The following UBN1 variants were observed in gnomAD, a reference collection of about 807,000 sequenced individuals.
The protein encoded by UBN1 is ubinuclein 1, also known as ubinuclein-1.
In UBN1, 17 loss-of-function variants were observed where a neutral mutation model predicts 108.5. The ratio of observed to expected loss-of-function variants is 0.16; its 90% CI spans 0.11 to 0.24. UBN1 has a LOEUF of 0.24. UBN1 is among the 10% of genes least tolerant of loss of function. UBN1 has a pLI of 1.00. For synonymous variants in UBN1, 726 were observed against 564.2 expected, an observed-to-expected ratio of 1.29 and a Z score of -4.07; for missense variants, 1,595 against 1,394.4, an observed-to-expected ratio of 1.14 and a Z score of -2.29.
At chr16:4,862,999 G>A (rs2087142135) in intron 7 of UBN1, among the ~76,000 whole-genome samples, 1 of 152,204 alleles carries the variant, frequency 6.6e-6, no homozygotes, top group Non-Finnish European at 1.5e-5. Flanking sequence ...CAAGTGTGAA[G>A]TTGATATTCG....
At chr16:4,858,972 C>T in intron 4 of UBN1, 53 bp from the exon 5 acceptor site, 4 of 1,599,294 alleles carry the variant, frequency 2.5e-6, no homozygotes, top group Non-Finnish European at 3.4e-6. Context: ...CACTTTGCAC[C>T]TTCGGACTGC....
chr16:4,872,395 C>T (rs1596519242), intron 12 of UBN1: 2 of 969,554 alleles, frequency 2.1e-6, no homozygotes, highest in Non-Finnish European at 1.2e-6. Context: ...CAGTGTGTCC[C>T]ATTGAGATCC....
chr16:4,880,387 G>T lies in UBN1; in HGVS notation c.*255G>T. On this transcript the variant is annotated 3_prime_UTR_variant, in exon 18 of 18. Coordinates refer to ENST00000262376, the MANE Select transcript of UBN1 (RefSeq NM_001079514.3). ...TCGCTAGACGGTTGTTAGAGGGGCA[G>T]CTCTAGGCTGGGGCTTGCGCTGGGC... is the stretch of plus-strand genomic sequence containing the variant. The T allele has an allele frequency of 4.0e-6, 2 of 493,840 alleles. No individual in the cohort carries two copies. The highest frequency in any genetic ancestry group is 7.4e-6 in the Non-Finnish European group (2 of 269,902). The allele number at this position is 493,840 out of a possible 1,614,324, so 30.6% of individuals were successfully genotyped here.
Position 4,859,856 on chromosome 16 carries a change from A to G in UBN1, c.568-9A>G, listed in dbSNP as rs1490709398. On this transcript the variant is annotated splice_polypyrimidine_tract_variant and intron_variant, in intron 5 of 17. Coordinates refer to ENST00000262376, the MANE Select transcript of UBN1 (RefSeq NM_001079514.3). Reference sequence around the variant, plus strand: ...AGCCGTGTAACTGTGCCTTGTCTTTAATTCTCAGAAGCGGAAGTTGAAGGA... The same window carrying G: ...AGCCGTGTAACTGTGCCTTGTCTTTGATTCTCAGAAGCGGAAGTTGAAGGA... 6.2e-7 allele frequency: 1 copy of G among 1,613,780 alleles called. No homozygotes were observed. Among genetic ancestry groups the G allele is most frequent in the Non-Finnish European group, 8.5e-7 (1 of 1,179,922 alleles).
rs2087809156 is a variant in UBN1, at chr16:4,874,917, A to C, written c.2507A>C (p.Gln836Pro). The change falls in exon 15 of 18, where the codon CAG becomes CCG. Residue 836 changes from glutamine to proline, a missense_variant. Physicochemically the swap from Gln to Pro is moderately conservative, Grantham distance 76. Coordinates refer to ENST00000262376, the MANE Select transcript of UBN1 (RefSeq NM_001079514.3). ...CAAGGCCCAAAGGCTTCTCCCACAC[A>C]GTGTCATCGTTCCCTCCTGCAGTTA... ...KLQGPKASPTQCHRSLLQLVK... is the reference protein window; with the variant it reads ...KLQGPKASPTPCHRSLLQLVK... 4 of 1,614,032 alleles carry C rather than the reference A, an allele frequency of 2.5e-6. No individual in the cohort carries two copies. Among genetic ancestry groups the C allele is most frequent in the Non-Finnish European group, 3.4e-6 (4 of 1,180,038 alleles).
intron 5 of UBN1, among the ~76,000 whole-genome samples, 154 bp from the exon 6 acceptor site, chr16:4,859,711 T>C (rs963940732): frequency 1.3e-5 from 2 of 152,100 alleles, no homozygotes; most frequent in Non-Finnish European, 2.9e-5. Context: ...TGCTGTGGGT[T>C]TGTGGTCCAG....
chr16:4,875,568 A>G, intron 15 of UBN1, 134 bp downstream of exon 15: 1 of 1,310,472 alleles, frequency 7.6e-7, no homozygotes, highest in South Asian at 1.5e-5. Context: ...CAGACGTAGG[A>G]AGGGAGACTG....
At chr16:4,874,098 A>G in intron 14 of UBN1, 113 bp from the exon 15 acceptor site, 2 of 1,338,474 alleles carry the variant, frequency 1.5e-6, no homozygotes, top group Non-Finnish European at 2.0e-6. Context: ...TCTTGTAATT[A>G]TACAGGAAGG....
chr16:4,865,752 G>C (rs533229941), intron 7 of UBN1, among the ~76,000 whole-genome samples: 1 of 152,214 alleles, frequency 6.6e-6, no homozygotes, highest in African/African-American at 2.4e-5. Context: ...CTTGGGGTCA[G>C]ATGTTTGAGA....
chr16:4,848,987 G>A (rs1400667212), intron 1 of UBN1, among the ~76,000 whole-genome samples: 1 of 152,202 alleles, frequency 6.6e-6, no homozygotes, highest in Non-Finnish European at 1.5e-5. Flanking sequence ...TGTAGTCCCA[G>A]CTACTTGGGA....
chr16:4,865,036 C>G (rs1282645018), intron 7 of UBN1, among the ~76,000 whole-genome samples: 2 of 152,162 alleles, frequency 1.3e-5, no homozygotes, highest in South Asian at 2.1e-4. Context: ...TGTTGGAACT[C>G]TTATAAATCA....
chr16:4,869,694 C>T (rs923694370), intron 8 of UBN1, among the ~76,000 whole-genome samples: 7 of 152,194 alleles, frequency 4.6e-5, no homozygotes, highest in African/African-American at 1.4e-4. Flanking sequence ...AGGATTGTGT[C>T]AACAAGGAAC....
intron 17 of UBN1, among the ~76,000 whole-genome samples, chr16:4,878,955 C>T (rs146445656): frequency 1.3e-5 from 2 of 152,236 alleles, no homozygotes; most frequent in South Asian, 2.1e-4. Flanking sequence ...GAGGCTGCAG[C>T]GAGCCGTGGT....
chr16:4,873,908 C>T (rs1452679223), intron 14 of UBN1, among the ~76,000 whole-genome samples: 1 of 152,214 alleles, frequency 6.6e-6, no homozygotes, highest in East Asian at 1.9e-4. Context: ...AGTATCTCTT[C>T]ACGAGAGTCT....
intron 1 of UBN1, 31 bp downstream of exon 1, chr16:4,848,241 C>T (rs1004971210): frequency 2.0e-5 from 3 of 152,258 alleles, no homozygotes; most frequent in African/African-American, 7.2e-5. Flanking sequence ...CGGGCTCTCT[C>T]GTTAGCCTTG....
chr16:4,869,613 G>A (rs60379919), intron 8 of UBN1, among the ~76,000 whole-genome samples: 50,879 of 152,042 alleles, frequency 0.33, 8,975 homozygotes, highest in African/African-American at 0.43. Context: ...TCGCCTGGCC[G>A]GGACCTGGAT....
Position 4,859,090 on chromosome 16 carries a change from C to T in UBN1, c.498C>T (p.Thr166=), listed in dbSNP as rs757661654. 1.9e-6 allele frequency: 3 copies of T among 1,614,006 alleles called. No individual in the cohort carries two copies. The highest frequency in any genetic ancestry group is 2.5e-6 in the Non-Finnish European group (3 of 1,180,028). The change falls in exon 5 of 18, where the codon ACC becomes ACT. Residue 166 remains threonine, a synonymous_variant. Coordinates refer to ENST00000262376, the MANE Select transcript of UBN1 (RefSeq NM_001079514.3). ...GAGGATTTTACATTAACTCGGGAACCCTGCAGTTTAGACAAGCATCAGAGT... is the reference window on the plus strand; with the variant it reads ...GAGGATTTTACATTAACTCGGGAACTCTGCAGTTTAGACAAGCATCAGAGT... The part of the protein sequence containing the change: ...KYGGFYINSG[T]LQFRQASESE...
intron 2 of UBN1, among the ~76,000 whole-genome samples, chr16:4,857,303 A>T (rs545282807): frequency 1.3e-5 from 2 of 150,070 alleles, no homozygotes; most frequent in Admixed American, 6.7e-5. Flanking sequence ...GTGAGTCATG[A>T]TTGTGCCACT....
chr16:4,872,865 G>A lies in UBN1; in HGVS notation c.1707-19G>A. ...CTTTCTGGGGCATGTACAGATGCCT[G>A]GTGTTCTGTGTCTTTCAGAACTCTG... On this transcript the variant is annotated intron_variant, in intron 12 of 17. Transcript: ENST00000262376. 1 of 1,614,076 alleles carries A rather than the reference G, an allele frequency of 6.2e-7. No individual in the cohort carries two copies. The highest frequency in any genetic ancestry group is 1.1e-5 in the South Asian group (1 of 91,078).
Sources: gnomAD v4.1 joint callset for allele counts (sites outside exome capture counted in the v4.1 genomes callset) on GRCh38, gnomAD v4.1.1 for gene constraint, MANE v1.5 for transcripts, NCBI Gene and HGNC (gene_info 2026-07-23, HGNC 2026-07-21) for gene names.